The following TULP4 variants were observed in gnomAD, a reference collection of about 807,000 sequenced individuals.
TULP4 encodes TUB like protein 4.
In TULP4, 16 loss-of-function variants were observed where a neutral mutation model predicts 129.0. That is an observed-to-expected ratio of 0.12 (90% CI 0.08 to 0.19). The LOEUF (loss-of-function observed/expected upper bound fraction) is 0.19. TULP4 is among the 10% of genes least tolerant of loss of function. TULP4 has a pLI of 1.00. For missense variants in TULP4, 1,842 were observed against 2,059.1 expected, an observed-to-expected ratio of 0.89 and a Z score of 2.04; for synonymous variants, 998 against 854.0, an observed-to-expected ratio of 1.17 and a Z score of -2.94.
chr6:158,501,978 C>T lies in TULP4; in HGVS notation c.2315C>T (p.Pro772Leu). 6.2e-7 allele frequency: 1 copy of T among 1,613,820 alleles called. No homozygotes were observed. Among genetic ancestry groups the T allele is most frequent in the Non-Finnish European group, 8.5e-7 (1 of 1,179,976 alleles). Residue 772 changes from proline to leucine, a missense_variant, in exon 13 of 14, where the codon CCA (proline) becomes CTA (leucine). This residue lies in a region of TULP4 where 1,089 missense variants were observed against 987.1 expected (regional missense o/e 1.10). Coordinates refer to ENST00000367097, the MANE Select transcript of TULP4 (RefSeq NM_020245.5). Reference protein sequence around the residue: ...EMGRIIQNPPPLSLPPPPQGP... With the variant: ...EMGRIIQNPPLLSLPPPPQGP... ...GGCCGCATCATTCAGAACCCCCCTC[C>T]ACTGTCCCTGCCTCCCCCGCCGCAG...
intron 1 of TULP4, among the ~76,000 whole-genome samples, chr6:158,358,690 A>G (rs985274621): frequency 6.6e-6 from 1 of 152,250 alleles, no homozygotes; most frequent in African/African-American, 2.4e-5. Context: ...AGGGCCAGAG[A>G]CATGCTTGTA....
intron 1 of TULP4, among the ~76,000 whole-genome samples, chr6:158,270,724 G>A (rs914095211): frequency 2.0e-5 from 3 of 152,218 alleles, no homozygotes; most frequent in African/African-American, 7.2e-5. Context: ...TCTTCCTGAA[G>A]TTTTTCCTTC....
intron 8 of TULP4, among the ~76,000 whole-genome samples, chr6:158,484,218 C>G (rs1342210943): frequency 6.6e-6 from 1 of 151,534 alleles, no homozygotes; most frequent in African/African-American, 2.4e-5. Flanking sequence ...AGCCACCATG[C>G]CCAGCTGCTT....
chr6:158,236,795 C>CTTTTTTTTTTTTTTTTT lies in TULP4; in HGVS notation n.68+4512_68+4528dup, dbSNP rs71030149. Among the ~76,000 whole-genome samples the CTTTTTTTTTTTTTTTTT allele has an allele frequency of 1.5e-3, 93 of 63,284 alleles. 20 individuals carry two copies. Among genetic ancestry groups the CTTTTTTTTTTTTTTTTT allele is most frequent in the East Asian group, 2.3e-3 (7 of 3,084 alleles). 41.5% of individuals were successfully genotyped at this position (63,284 alleles called of 152,430 possible). A position where few individuals can be genotyped will look rare whatever the true frequency, so the allele number is the denominator to read the frequency against. Reference sequence around the variant, plus strand: ...AGATGGGTAAATGCCCAATTCTTTTCTTTTTTTTTTTTTTTTTTTTTTTTT... The same window carrying CTTTTTTTTTTTTTTTTT: ...AGATGGGTAAATGCCCAATTCTTTTCTTTTTTTTTTTTTTTTTTTTTTTTTTTTTTTTTTTTTTTTTT... On this transcript the variant is annotated intron_variant and non_coding_transcript_variant, in intron 1 of 1. Transcript: ENST00000620026.
At chr6:158,498,095 G>T (rs1384715595) in intron 11 of TULP4, among the ~76,000 whole-genome samples, 2 of 152,310 alleles carry the variant, frequency 1.3e-5, no homozygotes, top group Non-Finnish European at 2.9e-5. Context: ...AAACAACTGT[G>T]TGGAAATTCC....
At chr6:158,414,664 G>A (rs1228309827) in intron 2 of TULP4, among the ~76,000 whole-genome samples, 1 of 152,146 alleles carries the variant, frequency 6.6e-6, no homozygotes, top group African/African-American at 2.4e-5. Context: ...CTAAAATGCT[G>A]TCATTCTTCC....
rs769370452 is a variant in TULP4, at chr6:158,264,300, TC to T, written n.68+31998del. On this transcript the variant is annotated intron_variant and non_coding_transcript_variant, in intron 1 of 1. Transcript: ENST00000620026. ...GCGTGTGTCGTTGCTTAAATGAACT[TC>T]AATTTGAAGAAAGATTGCTCTGATA... is the stretch of plus-strand genomic sequence containing the variant. Among the ~76,000 whole-genome samples the T allele has an allele frequency of 1.4e-3, 217 of 152,280 alleles. 1 individual carries two copies. The highest frequency in any genetic ancestry group is 1.4e-3 in the Non-Finnish European group (92 of 68,020).
chr6:158,326,795 A>G (rs184289770), intron 1 of TULP4, among the ~76,000 whole-genome samples: 2 of 152,286 alleles, frequency 1.3e-5, no homozygotes. Context: ...TAAATATATT[A>G]TCTAATTTAT....
chr6:158,444,640 G>T (rs1778990457), intron 3 of TULP4, among the ~76,000 whole-genome samples: 1 of 152,164 alleles, frequency 6.6e-6, no homozygotes, highest in Non-Finnish European at 1.5e-5. Context: ...TTCCAAAATA[G>T]AAATCTTTTG....
chr6:158,248,947 T>C (rs1052035430), intron 1 of TULP4, among the ~76,000 whole-genome samples: 12 of 151,828 alleles, frequency 7.9e-5, no homozygotes, highest in Non-Finnish European at 1.6e-4. Flanking sequence ...TAGCTAGACC[T>C]ACTTCATCAC....
Position 158,473,972 on chromosome 6 carries a change from C to G in TULP4, c.1027-5779C>G, listed in dbSNP as rs147134156. 1.5e-3 allele frequency among the ~76,000 whole-genome samples: 226 copies of G among 152,230 alleles called. 1 individual carries two copies. The highest frequency in any genetic ancestry group is 5.3e-3 in the African/African-American group (219 of 41,526). Reference sequence around the variant, plus strand: ...AGCTAGGACTACAGGTGTGCACCACCACACCCAGCTAATTTTGAAAATTTG... The same window carrying G: ...AGCTAGGACTACAGGTGTGCACCACGACACCCAGCTAATTTTGAAAATTTG... On this transcript the variant is annotated intron_variant, in intron 6 of 13. Coordinates refer to ENST00000367097, the MANE Select transcript of TULP4 (RefSeq NM_020245.5).
rs1328901401 is a variant in TULP4 at position 158,502,532 on chromosome 6, G to T, written c.2869G>T (p.Asp957Tyr). 6.2e-7 allele frequency: 1 copy of T among 1,610,622 alleles called. No individual in the cohort carries two copies. The change falls in exon 13 of 14, where the codon GAC (aspartate) becomes TAC (tyrosine). Residue 957 changes from aspartate (D) to tyrosine (Y), a missense_variant. Physicochemically the swap from Asp to Tyr is radical, Grantham distance 160 (BLOSUM62 -3). This residue lies in a region of TULP4 where 1,089 missense variants were observed against 987.1 expected (regional missense o/e 1.10). Coordinates refer to ENST00000367097, the MANE Select transcript of TULP4 (RefSeq NM_020245.5). The part of the protein sequence containing the change: ...TVPRYSIPTG[D>Y]PPPYPEIASQ... Reference sequence around the variant, plus strand: ...CCCTCGCTACTCCATCCCCACCGGGGACCCACCCCCGTATCCTGAAATTGC... The same window carrying T: ...CCCTCGCTACTCCATCCCCACCGGGTACCCACCCCCGTATCCTGAAATTGC...
chr6:158,332,183 AAAAAAAAAAAAAAAAAAATATATATAT>A (rs1441737138), intron 1 of TULP4, among the ~76,000 whole-genome samples: 1,527 of 41,334 alleles, frequency 0.037, 25 homozygotes, highest in South Asian at 0.088. Context: ...AAAAAAAAAA[AAAAAAAAAAAAAAAAAAATATATATAT>A]ATATATATAT....
intron 12 of TULP4, among the ~76,000 whole-genome samples, chr6:158,500,199 C>T (rs1310261112): frequency 6.6e-6 from 1 of 152,182 alleles, no homozygotes; most frequent in African/African-American, 2.4e-5. Context: ...CATATTGTCT[C>T]AGGGATTACA....
intron 6 of TULP4, among the ~76,000 whole-genome samples, chr6:158,475,597 G>A (rs992770939): frequency 2.0e-5 from 3 of 152,134 alleles, no homozygotes; most frequent in South Asian, 2.1e-4. Flanking sequence ...GTTCTGCTGC[G>A]GCTCAGCCTA....
intron 1 of TULP4, among the ~76,000 whole-genome samples, chr6:158,407,201 A>G (rs1777992568): frequency 6.6e-6 from 1 of 152,268 alleles, no homozygotes; most frequent in Non-Finnish European, 1.5e-5. Context: ...AGACTACCCA[A>G]CTAAAAATGG....
chr6:158,463,106 T>G (rs1779478494), intron 6 of TULP4, among the ~76,000 whole-genome samples: 2 of 152,148 alleles, frequency 1.3e-5, no homozygotes, highest in Non-Finnish European at 1.5e-5. Context: ...CATCTCGAAA[T>G]TATCCTTACG....
chr6:158,503,117 T>A lies in TULP4; in HGVS notation c.3454T>A (p.Ser1152Thr). ...TSGPNPLKLS[S>T]LMLSQGQHLD... is the part of the protein sequence containing the mutation. Reference sequence around the variant, plus strand: ...AGGGCCCAACCCCTTAAAACTGTCCTCTCTGATGCTGAGTCAGGGCCAGCA... The same window carrying A: ...AGGGCCCAACCCCTTAAAACTGTCCACTCTGATGCTGAGTCAGGGCCAGCA... The change falls in exon 13 of 14, where the codon TCT becomes ACT. Residue 1152 changes from serine to threonine, a missense_variant. Around this residue, in one of 5 missense-constraint regions of TULP4, gnomAD observed 1,089 missense variants for 987.1 expected, o/e 1.10. Transcript: ENST00000367097. This position sits in a 1 kb window ranked among gnomAD's most constrained non-coding sequence, Gnocchi z 4.3. 6.2e-7 allele frequency: 1 copy of A among 1,613,920 alleles called. No individual in the cohort carries two copies.
intron 2 of TULP4, among the ~76,000 whole-genome samples, chr6:158,415,759 C>G (rs1778195766): frequency 6.6e-6 from 1 of 151,868 alleles, no homozygotes; most frequent in African/African-American, 2.4e-5. Context: ...GAGATGACAG[C>G]TCCGTGGATA....
Sources: allele counts gnomAD v4.1 joint callset (sites outside exome capture counted in the v4.1 genomes callset), GRCh38; gene constraint gnomAD v4.1.1; regional missense constraint gnomAD v4.1.1; non-coding constraint Gnocchi (gnomAD v3.1); transcripts MANE v1.5; gene names NCBI Gene and HGNC (gene_info 2026-07-23, HGNC 2026-07-21).